The following STAT1 variants were observed in gnomAD, a reference collection of about 807,000 sequenced individuals.
STAT1 encodes the protein signal transducer and activator of transcription 1-alpha/beta.
Under a neutral mutation model 111.7 loss-of-function variants are expected in STAT1, and 24 were observed. That is an observed-to-expected ratio of 0.21 (90% CI 0.16 to 0.30). The LOEUF is 0.30. Among genes scored for constraint, STAT1 ranks in the 10% least tolerant of loss-of-function variants. The pLI is 1.00. For synonymous variants in STAT1, 332 were observed against 326.5 expected (o/e 1.02, Z -0.18); for missense variants, 351 against 911.9 (o/e 0.38, Z 7.92).
intron 5 of STAT1, among the ~76,000 whole-genome samples, chr2:191,005,566 T>C (rs944537875): frequency 5.3e-5 from 8 of 152,228 alleles, no homozygotes; most frequent in African/African-American, 1.9e-4. Context: ...CTAGGAGCAA[T>C]AGGCTTTACC....
rs1302043491 is a variant in STAT1 at position 190,998,447 on chromosome 2, G to A, written c.542-139C>T. 14 of 721,856 alleles carry A rather than the reference G, an allele frequency of 1.9e-5. No individual in the cohort carries two copies. Among genetic ancestry groups the A allele is most frequent in the South Asian group, 9.2e-5 (6 of 65,498 alleles). 44.7% of individuals were successfully genotyped at this position (721,856 alleles called of 1,614,324 possible). On this transcript the variant is annotated intron_variant, in intron 7 of 24. Transcript: ENST00000361099. The surrounding 1 kb of genome is among the most constrained non-coding windows in gnomAD (Gnocchi z 4.1). ...AGTTTGGCTTTCTTCGATCTTTAATGAACATGAAAAAAAGTCCTAAGTATA... is the reference window on the plus strand; with the variant it reads ...AGTTTGGCTTTCTTCGATCTTTAATAAACATGAAAAAAAGTCCTAAGTATA...
Position 190,985,644 on chromosome 2 carries a change from T to C in STAT1, c.1238A>G (p.Lys413Arg). The C allele has an allele frequency of 6.2e-7, 1 of 1,614,226 alleles. No individual in the cohort carries two copies. Among genetic ancestry groups the C allele is most frequent in the Non-Finnish European group, 8.5e-7 (1 of 1,180,020 alleles). The change falls in exon 15 of 25, where the codon AAA becomes AGA. Residue 413 changes from lysine to arginine, a missense_variant. Transcript: ENST00000361099. ...EFRHLQLKEQKNAGTRTNEGP... is the reference protein window; with the variant it reads ...EFRHLQLKEQRNAGTRTNEGP... ...CTCATTCGTTCTGGTGCCAGCATTT[T>C]TCTGTTCTTTCAATTGCTATAAAAC...
At position 190,971,697 on chromosome 2, in the gene STAT1, C is replaced by T. The variant is rs1691478997; in HGVS notation, c.2239-980G>A. On this transcript the variant is annotated intron_variant, in intron 24 of 24. Coordinates refer to ENST00000361099, the MANE Select transcript of STAT1 (RefSeq NM_007315.4). The surrounding 1 kb of genome is among the most constrained non-coding windows in gnomAD (Gnocchi z 4.1). ...ATGTTTCAGTCTAGCTTATGTTTCTCTTTTCTTTTTCTTTCTTTTTTTTTT... is the reference window on the plus strand; with the variant it reads ...ATGTTTCAGTCTAGCTTATGTTTCTTTTTTCTTTTTCTTTCTTTTTTTTTT... 3.5e-5 allele frequency among the ~76,000 whole-genome samples: 1 copy of T among 28,932 alleles called. No individual in the cohort carries two copies. Among genetic ancestry groups the T allele is most frequent in the South Asian group, 6.7e-4 (1 of 1,490 alleles). The allele number at this position is 28,932 out of a possible 152,430, so 19.0% of individuals were successfully genotyped here.
In STAT1 at chr2:190,975,676, G is replaced by A; in HGVS notation, c.2135+136C>T. 1 of 1,526,000 alleles carries A rather than the reference G, an allele frequency of 6.6e-7. No homozygotes were observed. The highest frequency in any genetic ancestry group is 8.8e-7 in the Non-Finnish European group (1 of 1,138,436). The allele number at this position is 1,526,000 out of a possible 1,614,324, so 94.5% of individuals were successfully genotyped here. ...AAATGCTGATAGGCAGTAACACGGGGATCTCAACAAGTTCAGCTGTGATGG... is the reference window on the plus strand; with the variant it reads ...AAATGCTGATAGGCAGTAACACGGGAATCTCAACAAGTTCAGCTGTGATGG... On this transcript the variant is annotated intron_variant, in intron 23 of 24. Transcript: ENST00000361099. This position sits in a 1 kb window ranked among gnomAD's most constrained non-coding sequence, Gnocchi z 5.9.
chr2:191,009,839 T>C (rs755180992), intron 3 of STAT1, 37 bp downstream of exon 3: 5 of 1,612,604 alleles, frequency 3.1e-6, no homozygotes, highest in Non-Finnish European at 2.5e-6. Flanking sequence ...ACTTTTAAGG[T>C]GTAAACTTCT....
In STAT1 at chr2:190,980,921, T is replaced by C. The variant is rs547884351; in HGVS notation, c.1583-252A>G. Among the ~76,000 whole-genome samples the C allele has an allele frequency of 1.8e-4, 28 of 152,308 alleles. No individual in the cohort carries two copies. Among genetic ancestry groups the C allele is most frequent in the African/African-American group, 6.5e-4 (27 of 41,554 alleles). On this transcript the variant is annotated intron_variant, in intron 18 of 24. Transcript: ENST00000361099. This position sits in a 1 kb window ranked among gnomAD's most constrained non-coding sequence, Gnocchi z 6.1. ...GTTTGAGTTTAATGGCAGAAAGGAA[T>C]GGATGGCAGATTCCTGGGCACCACG... is the stretch of plus-strand genomic sequence containing the variant.
Position 190,996,226 on chromosome 2 carries a change from A to G in STAT1, c.786-1007T>C, listed in dbSNP as rs1239662709. Among the ~76,000 whole-genome samples the G allele has an allele frequency of 6.6e-6, 1 of 152,234 alleles. No individual in the cohort carries two copies. The highest frequency in any genetic ancestry group is 1.5e-5 in the Non-Finnish European group (1 of 68,036). On this transcript the variant is annotated intron_variant, in intron 9 of 24. Coordinates refer to ENST00000361099, the MANE Select transcript of STAT1 (RefSeq NM_007315.4). The surrounding 1 kb of genome is among the most constrained non-coding windows in gnomAD (Gnocchi z 4.5). ...CTTCCTTCCTTGCAGTCAACTGCTA[A>G]CAGCAACACAGGCTGGGGAAACGCT...
At position 190,976,801 on chromosome 2, in the gene STAT1, G is replaced by C; in HGVS notation, c.2059+39C>G. 6.4e-7 allele frequency: 1 copy of C among 1,566,324 alleles called. No homozygotes were observed. Among genetic ancestry groups the C allele is most frequent in the Non-Finnish European group, 8.8e-7 (1 of 1,136,752 alleles). On this transcript the variant is annotated intron_variant, in intron 22 of 24. Transcript: ENST00000361099. The surrounding 1 kb of genome is among the most constrained non-coding windows in gnomAD (Gnocchi z 6.0). ...GAATAATCACCCCCTCATCAGGAAA[G>C]ACTGTGCCACGCTGTTACCACCTGC... is the stretch of plus-strand genomic sequence containing the variant.
chr2:191,005,708 C>A (rs1449826178), intron 5 of STAT1, among the ~76,000 whole-genome samples: 1 of 152,184 alleles, frequency 6.6e-6, no homozygotes, highest in Non-Finnish European at 1.5e-5. Flanking sequence ...TGATGCATGT[C>A]TGTATTAATA....
At chr2:190,972,472 T>G (rs1691565249) in intron 24 of STAT1, among the ~76,000 whole-genome samples, 1 of 152,228 alleles carries the variant, frequency 6.6e-6, no homozygotes, top group African/African-American at 2.4e-5. Context: ...CTGTTGCTCC[T>G]GAGGCTGCAC....
In STAT1 at chr2:190,987,337, G is replaced by T. The variant is rs1284181296; in HGVS notation, c.1098-269C>A. Among the ~76,000 whole-genome samples the T allele has an allele frequency of 1.3e-5, 2 of 152,278 alleles. No individual in the cohort carries two copies. Among genetic ancestry groups the T allele is most frequent in the East Asian group, 3.9e-4 (2 of 5,180 alleles). On this transcript the variant is annotated intron_variant, in intron 12 of 24. Coordinates refer to ENST00000361099, the MANE Select transcript of STAT1 (RefSeq NM_007315.4). This position sits in a 1 kb window ranked among gnomAD's most constrained non-coding sequence, Gnocchi z 4.0. Reference sequence around the variant, plus strand: ...AACATACTAACAGTGCCAACATATAGGACATCATGAGGAATAAACTAGTTA... The same window carrying T: ...AACATACTAACAGTGCCAACATATATGACATCATGAGGAATAAACTAGTTA...
In STAT1 at chr2:191,007,956, G is replaced by C; in HGVS notation, c.274-295C>G. The C allele has an allele frequency of 2.0e-6, 1 of 491,456 alleles. No homozygotes were observed. The highest frequency in any genetic ancestry group is 1.6e-5 in the South Asian group (1 of 62,582). The allele number at this position is 491,456 out of a possible 1,614,324, so 30.4% of individuals were successfully genotyped here. A position where few individuals can be genotyped will look rare whatever the true frequency, so the allele number is the denominator to read the frequency against. On this transcript the variant is annotated intron_variant, in intron 4 of 24. Coordinates refer to ENST00000361099, the MANE Select transcript of STAT1 (RefSeq NM_007315.4). This position sits in a 1 kb window ranked among gnomAD's most constrained non-coding sequence, Gnocchi z 4.2. ...TTAATATCTTTCCATATTTCTTAAG[G>C]CCAATTATCTTTGGTTAGGATCCCG... is the stretch of plus-strand genomic sequence containing the variant.
At position 190,977,682 on chromosome 2, in the gene STAT1, G is replaced by A. The variant is rs1233294292; in HGVS notation, c.1874-657C>T. Among the ~76,000 whole-genome samples the A allele has an allele frequency of 1.3e-5, 2 of 152,104 alleles. No homozygotes were observed. The highest frequency in any genetic ancestry group is 1.3e-4 in the Admixed American group (2 of 15,268). ...CTGGGGAGCCTGCTGTGGAACATGAGACTATGCTGCCATCCTAACCCTTCC... is the reference window on the plus strand; with the variant it reads ...CTGGGGAGCCTGCTGTGGAACATGAAACTATGCTGCCATCCTAACCCTTCC... On this transcript the variant is annotated intron_variant, in intron 21 of 24. Coordinates refer to ENST00000361099, the MANE Select transcript of STAT1 (RefSeq NM_007315.4). The surrounding 1 kb of genome is among the most constrained non-coding windows in gnomAD (Gnocchi z 4.7).
intron 24 of STAT1, among the ~76,000 whole-genome samples, chr2:190,972,312 G>C (rs1161838442): frequency 6.6e-6 from 1 of 152,214 alleles, no homozygotes; most frequent in Non-Finnish European, 1.5e-5. Flanking sequence ...TTTGGCTAAA[G>C]GCCTCTTGGA....
Position 190,986,709 on chromosome 2 carries a change from T to C in STAT1, c.1221+145A>G. 2 of 786,038 alleles carry C rather than the reference T, an allele frequency of 2.5e-6. No individual in the cohort carries two copies. Among genetic ancestry groups the C allele is most frequent in the South Asian group, 3.0e-5 (2 of 67,360 alleles). 48.7% of individuals were successfully genotyped at this position (786,038 alleles called of 1,614,324 possible). A position where few individuals can be genotyped will look rare whatever the true frequency, so the allele number is the denominator to read the frequency against. On this transcript the variant is annotated intron_variant, in intron 14 of 24. Coordinates refer to ENST00000361099, the MANE Select transcript of STAT1 (RefSeq NM_007315.4). The surrounding 1 kb of genome is among the most constrained non-coding windows in gnomAD (Gnocchi z 5.0). The stretch of plus-strand genomic sequence containing the variant: ...GGAGAAACCAAAATGCCCCAAGTAC[T>C]GGCGACAGGAAGACACCAGCCACAA...
intron 10 of STAT1, 134 bp downstream of exon 10, chr2:190,994,927 A>AAAAAAAAAATAT (rs1165918318): frequency 7.5e-6 from 1 of 134,084 alleles, no homozygotes; most frequent in African/African-American, 4.0e-5. Context: ...AAAAAAAAAA[A>AAAAAAAAAATAT]ATATATATAT....
rs45569336 is a variant in STAT1 at position 190,988,865 on chromosome 2, A to G, written c.1097+750T>C. On this transcript the variant is annotated intron_variant, in intron 12 of 24. Transcript: ENST00000361099. The stretch of plus-strand genomic sequence containing the variant: ...TAAATCATTTTTGAAACTTGCCAAA[A>G]CAGTATGTGACACAAGCTAACAAAA... 3.7e-3 allele frequency among the ~76,000 whole-genome samples: 550 copies of G among 148,926 alleles called. 5 individuals carry two copies. The highest frequency in any genetic ancestry group is 0.013 in the African/African-American group (523 of 40,840).
rs1277253755 is a variant in STAT1 at position 191,007,700 on chromosome 2, C to A, written c.274-39G>T. The A allele has an allele frequency of 1.4e-6, 2 of 1,423,736 alleles. No homozygotes were observed. Among genetic ancestry groups the A allele is most frequent in the African/African-American group, 1.4e-5 (1 of 71,236 alleles). 88.2% of individuals were successfully genotyped at this position (1,423,736 alleles called of 1,614,324 possible). A position where few individuals can be genotyped will look rare whatever the true frequency, so the allele number is the denominator to read the frequency against. On this transcript the variant is annotated intron_variant, in intron 4 of 24. Coordinates refer to ENST00000361099, the MANE Select transcript of STAT1 (RefSeq NM_007315.4). The surrounding 1 kb of genome is among the most constrained non-coding windows in gnomAD (Gnocchi z 4.2). ...GTTAGAACAAAAATAAATTAAAATG[C>A]AGAATGTTTACTTTATTGTGTATTG...
At chr2:190,972,492 G>T (rs1691567328) in intron 24 of STAT1, among the ~76,000 whole-genome samples, 2 of 152,140 alleles carry the variant, frequency 1.3e-5, no homozygotes, top group Admixed American at 1.3e-4. Context: ...CCAGGCGTTG[G>T]CCCCTGGTAC....
Sources: gnomAD v4.1 joint callset for allele counts (sites outside exome capture counted in the v4.1 genomes callset) on GRCh38, gnomAD v4.1.1 for gene constraint, Gnocchi (gnomAD v3.1) non-coding constraint, MANE v1.5 for transcripts, NCBI Gene and HGNC (gene_info 2026-07-23, HGNC 2026-07-21) for gene names.